The following ARVCF variants were observed in gnomAD, a reference collection of about 807,000 sequenced individuals.
ARVCF encodes the protein splicing regulator ARVCF.
ARVCF carries 66 observed loss-of-function variants against 90.9 expected under a neutral mutation model. The observed-to-expected ratio is 0.73, with a 90% CI of 0.60 to 0.89. The LOEUF is 0.89. ARVCF is among the 40% of genes least tolerant of loss of function. The pLI, the probability that ARVCF is intolerant of heterozygous loss-of-function variation, is 0.00. For synonymous variants in ARVCF, 653 were observed against 603.4 expected, an observed-to-expected ratio of 1.08 and a Z score of -1.21; for missense variants, 1,469 against 1,382.3, an observed-to-expected ratio of 1.06 and a Z score of -1.00.
chr22:19,993,242 C>T (rs2146394555), intron 2 of ARVCF, among the ~76,000 whole-genome samples: 1 of 152,300 alleles, frequency 6.6e-6, no homozygotes, highest in South Asian at 2.1e-4. Flanking sequence ...GCACAGAAGG[C>T]CCAGGCCCAC....
chr22:19,969,052 A>G, downstream of ARVCF: 1 of 256,718 alleles, frequency 3.9e-6, no homozygotes, highest in South Asian at 4.2e-5. Flanking sequence ...CATCCTTCTC[A>G]ACTGCCATTC....
chr22:20,000,349 C>T (rs1944402162), intron 2 of ARVCF, among the ~76,000 whole-genome samples: 2 of 152,260 alleles, frequency 1.3e-5, no homozygotes, highest in African/African-American at 2.4e-5. Flanking sequence ...GCCAGCTCCA[C>T]TCCGGAGTGC....
At position 19,972,358 on chromosome 22, in the gene ARVCF, C is replaced by G; in HGVS notation, c.2695G>C (p.Asp899His). The G allele has an allele frequency of 6.2e-7, 1 of 1,613,756 alleles. No individual in the cohort carries two copies. Among genetic ancestry groups the G allele is most frequent in the Non-Finnish European group, 8.5e-7 (1 of 1,179,982 alleles). ...CCAACCACACTGCATCTGCACTCAC[C>G]TGGGCCCAGCGCATCCATGGGGATC... ...DVIPMDALGP[D>H]GYSTVDRRER... The change falls in exon 17 of 20, where the codon GAC (aspartate) becomes CAC (histidine). Residue 899 changes from aspartate (D) to histidine (H), a missense_variant and splice_region_variant. Coordinates refer to ENST00000263207, the MANE Select transcript of ARVCF (RefSeq NM_001670.3).
At chr22:19,997,618 T>C (rs927154192) in intron 2 of ARVCF, among the ~76,000 whole-genome samples, 8 of 152,128 alleles carry the variant, frequency 5.3e-5, no homozygotes, top group Non-Finnish European at 1.2e-4. Context: ...GTAGTGGCAG[T>C]GAGGGGCCAC....
At chr22:20,011,405 C>A (rs983561363) in intron 1 of ARVCF, among the ~76,000 whole-genome samples, 4 of 152,176 alleles carry the variant, frequency 2.6e-5, no homozygotes, top group African/African-American at 9.7e-5. Context: ...CCCGCCTCTA[C>A]GGTGTTTTCT....
At chr22:19,983,727 G>GC (rs1398148016) in intron 3 of ARVCF, 1 of 152,318 alleles carries the variant, frequency 6.6e-6, no homozygotes, top group African/African-American at 2.4e-5. Flanking sequence ...AGGCAATCTG[G>GC]CAAGGAAGGC....
intron 2 of ARVCF, among the ~76,000 whole-genome samples, chr22:20,009,355 G>C (rs1990276): frequency 0.26 from 38,837 of 152,168 alleles, 5,795 homozygotes; most frequent in South Asian, 0.34. Flanking sequence ...CAGGCAAGGA[G>C]TCAGTCATCC....
chr22:19,999,955 T>C (rs945203052), intron 2 of ARVCF, among the ~76,000 whole-genome samples: 5 of 152,140 alleles, frequency 3.3e-5, no homozygotes, highest in African/African-American at 9.7e-5. Context: ...GCCATCATCT[T>C]CCCTGCACTG....
intron 2 of ARVCF, among the ~76,000 whole-genome samples, chr22:19,993,678 C>T: frequency 6.6e-6 from 1 of 152,244 alleles, no homozygotes; most frequent in East Asian, 1.9e-4. Flanking sequence ...TCTTGCCAAA[C>T]ATGCTGGCCC....
At position 19,972,362 on chromosome 22, in the gene ARVCF, G is replaced by A. The variant is rs1221232172; in HGVS notation, c.2691C>T (p.Gly897=). ...CCACACTGCATCTGCACTCACCTGG[G>A]CCCAGCGCATCCATGGGGATCACAT... ...SRDVIPMDAL[G]PDGYSTVDRR... Residue 897 remains glycine (G), a synonymous_variant, in exon 17 of 20, where the codon GGC becomes GGT. Transcript: ENST00000263207. 1.9e-6 allele frequency: 3 copies of A among 1,613,596 alleles called. No homozygotes were observed. Among genetic ancestry groups the A allele is most frequent in the East Asian group, 2.2e-5 (1 of 44,894 alleles).
At chr22:20,014,844 C>A (rs967844628) in intron 1 of ARVCF, among the ~76,000 whole-genome samples, 16 of 152,186 alleles carry the variant, frequency 1.1e-4, no homozygotes, top group Admixed American at 5.2e-4. Flanking sequence ...CATGCTCCCC[C>A]AGGCCAGACT....
intron 2 of ARVCF, among the ~76,000 whole-genome samples, chr22:19,995,388 G>T (rs893448701): frequency 4.6e-5 from 7 of 151,930 alleles, no homozygotes; most frequent in Non-Finnish European, 8.8e-5. Flanking sequence ...GAATGGAAGG[G>T]GGGGTGGGCT....
At chr22:19,995,388 G>C (rs893448701) in intron 2 of ARVCF, among the ~76,000 whole-genome samples, 5 of 151,930 alleles carry the variant, frequency 3.3e-5, no homozygotes, top group Admixed American at 6.6e-5. Flanking sequence ...GAATGGAAGG[G>C]GGGGTGGGCT....
In ARVCF at chr22:19,979,986, G is replaced by A. The variant is rs1402965115; in HGVS notation, c.1153C>T (p.Leu385=). Residue 385 remains leucine (L), a synonymous_variant, in exon 6 of 20, where the codon CTG becomes TTG. Transcript: ENST00000263207. ...KANAAAYLQH[L]CFENEGVKRR... ...TTGACACCCTCGTTCTCAAAGCACAGATGCTGCAGGTAGGCGGCCGCATTG... is the reference window on the plus strand; with the variant it reads ...TTGACACCCTCGTTCTCAAAGCACAAATGCTGCAGGTAGGCGGCCGCATTG... 6.3e-7 allele frequency: 1 copy of A among 1,596,272 alleles called. No individual in the cohort carries two copies.
downstream of ARVCF, chr22:19,968,872 G>A: frequency 3.8e-6 from 3 of 782,034 alleles, no homozygotes; most frequent in Non-Finnish European, 6.4e-6. Context: ...CCTGCGCCCT[G>A]ACATGCTAAC....
Position 19,990,439 on chromosome 22 carries a change from A to G in ARVCF, c.210+146T>C, listed in dbSNP as rs1175263772. On this transcript the variant is annotated intron_variant, in intron 3 of 19. Transcript: ENST00000263207. ...ACACCCAAGTGGGACTTCCAGCCCA[A>G]CCTGGGATCCCATTTTCCTTTCCTC... The G allele has an allele frequency of 1.0e-4, 107 of 1,044,216 alleles. No homozygotes were observed. The East Asian group carries it at 2.7e-3, about 27-fold the overall frequency. The allele number at this position is 1,044,216 out of a possible 1,614,324, so 64.7% of individuals were successfully genotyped here. A position where few individuals can be genotyped will look rare whatever the true frequency, so the allele number is the denominator to read the frequency against.
chr22:20,004,101 T>A (rs930974404), intron 2 of ARVCF, among the ~76,000 whole-genome samples: 4 of 151,984 alleles, frequency 2.6e-5, no homozygotes, highest in Non-Finnish European at 1.5e-5. Context: ...AAGGGAAATT[T>A]AAAAAAACTA....
At chr22:19,982,138 C>T in intron 3 of ARVCF, 47 bp from the exon 4 acceptor site, 3 of 1,596,498 alleles carry the variant, frequency 1.9e-6, no homozygotes, top group Non-Finnish European at 1.7e-6. Context: ...GCTCAGTCAC[C>T]CCTGGAGTGC....
At chr22:19,991,977 C>G (rs899142437) in intron 2 of ARVCF, among the ~76,000 whole-genome samples, 1 of 152,256 alleles carries the variant, frequency 6.6e-6, no homozygotes, top group Non-Finnish European at 1.5e-5. Flanking sequence ...GGGGAGGACA[C>G]GCACTGCGGG....
Sources: gnomAD v4.1 joint callset for allele counts (sites outside exome capture counted in the v4.1 genomes callset) on GRCh38, gnomAD v4.1.1 for gene constraint, MANE v1.5 for transcripts, NCBI Gene and HGNC (gene_info 2026-07-23, HGNC 2026-07-21) for gene names.